The following ACOX1 variants were observed in gnomAD, a reference collection of about 807,000 sequenced individuals.
The protein encoded by ACOX1 is acyl-CoA oxidase 1.
A neutral mutation model predicts 75.5 loss-of-function variants in ACOX1; 41 were observed. That is an observed-to-expected ratio of 0.54 (90% CI 0.42 to 0.70). ACOX1 has a LOEUF of 0.70. Among genes scored for constraint, ACOX1 ranks in the 30% least tolerant of loss-of-function variants. The pLI, the probability that ACOX1 is intolerant of heterozygous loss-of-function variation, is 0.00. For missense variants in ACOX1, 630 were observed against 837.5 expected (o/e 0.75, Z 3.06); for synonymous variants, 303 against 298.8 (o/e 1.01, Z -0.15).
intron 2 of ACOX1, among the ~76,000 whole-genome samples, chr17:75,965,914 G>A (rs1372128853): frequency 6.6e-6 from 1 of 152,028 alleles, no homozygotes; most frequent in Non-Finnish European, 1.5e-5. Context: ...CAGATCACCT[G>A]AGGTCAAGAG....
At position 75,951,529 on chromosome 17, in the gene ACOX1, G is replaced by C. The variant is rs772169601; in HGVS notation, c.993C>G (p.Leu331=). Residue 331 remains leucine, a synonymous_variant, in exon 8 of 14, where the codon CTC becomes CTG. Transcript: ENST00000293217. ...CATAGGCAGTGGCCAGGAGTGGAAA[G>C]AGTTTATACTGCTGGGTTTGAAAAT... ...ILDFQTQQYK[L]FPLLATAYAF... 1.9e-6 allele frequency: 3 copies of C among 1,614,152 alleles called. No homozygotes were observed. Among genetic ancestry groups the C allele is most frequent in the South Asian group, 2.2e-5 (2 of 91,084 alleles).
chr17:75,951,351 C>T, intron 8 of ACOX1, 64 bp downstream of exon 8: 3 of 1,594,896 alleles, frequency 1.9e-6, no homozygotes, highest in Non-Finnish European at 1.7e-6. Flanking sequence ...TATCTCTGGA[C>T]CTCATCCAAC....
At chr17:75,967,738 GTA>G (rs935410943) in intron 2 of ACOX1, among the ~76,000 whole-genome samples, 2 of 121,890 alleles carry the variant, frequency 1.6e-5, no homozygotes, top group Non-Finnish European at 1.7e-5. Flanking sequence ...ATATATACAC[GTA>G]TATATATATA....
intron 2 of ACOX1, chr17:75,973,418 A>G: frequency 1.6e-6 from 1 of 613,316 alleles, no homozygotes; most frequent in Non-Finnish European, 2.9e-6. Flanking sequence ...AGGCTTTAGG[A>G]AATAACAGTG....
intron 3 of ACOX1, among the ~76,000 whole-genome samples, chr17:75,958,814 A>G (rs2065863445): frequency 6.6e-6 from 1 of 151,804 alleles, no homozygotes; most frequent in Non-Finnish European, 1.5e-5. Context: ...TCTCAAAAAA[A>G]AAAAAAAAAA....
chr17:75,955,457 C>T (rs1393169169), intron 6 of ACOX1, 109 bp downstream of exon 6: 2 of 916,606 alleles, frequency 2.2e-6, no homozygotes, highest in African/African-American at 3.3e-5. Context: ...GCCAGTGTGC[C>T]CTGCTGTTAT....
chr17:75,958,464 T>G (rs1392822071), intron 3 of ACOX1, among the ~76,000 whole-genome samples: 1 of 143,808 alleles, frequency 7.0e-6, no homozygotes. Context: ...GTCAGGAGAT[T>G]GAGACCATCC....
At position 75,946,601 on chromosome 17, in the gene ACOX1, G is replaced by A. The variant is rs2065722281; in HGVS notation, c.*147C>T. On this transcript the variant is annotated 3_prime_UTR_variant, in exon 14 of 14. Transcript: ENST00000293217. The stretch of plus-strand genomic sequence containing the variant: ...ATCTGCTTTTTTTCATTTAATCTCT[G>A]AAATCTGTTCATTTTTTCCCTCCAT... 2 of 724,278 alleles carry A rather than the reference G, an allele frequency of 2.8e-6. No individual in the cohort carries two copies. 44.9% of individuals were successfully genotyped at this position (724,278 alleles called of 1,614,324 possible).
Position 75,953,063 on chromosome 17 carries a change from AG to A in ACOX1, c.944+387del, listed in dbSNP as rs529231270. On this transcript the variant is annotated intron_variant, in intron 7 of 13. Coordinates refer to ENST00000293217, the MANE Select transcript of ACOX1 (RefSeq NM_004035.7). ...AATAAACTGTGGCTATGAATGCAAA[AG>A]GGAAACAAATTTAATGTCACTTTCA... 7.9e-5 allele frequency among the ~76,000 whole-genome samples: 12 copies of A among 152,262 alleles called. No homozygotes were observed. In the South Asian group the frequency reaches 2.5e-3, roughly 32 times the overall value.
At chr17:75,951,968 C>G (rs558775568) in intron 7 of ACOX1, among the ~76,000 whole-genome samples, 1 of 152,116 alleles carries the variant, frequency 6.6e-6, no homozygotes, top group African/African-American at 2.4e-5. Flanking sequence ...GCATGAGCCA[C>G]GGTGCCTAGG....
At chr17:75,973,448 A>G (rs1456789341) in intron 2 of ACOX1, 3 of 685,378 alleles carry the variant, frequency 4.4e-6, no homozygotes, top group Non-Finnish European at 7.8e-6. Flanking sequence ...TATAGGCCAG[A>G]GCCCTGGACC....
rs1187821285 is a variant in ACOX1, at chr17:75,953,489, T to G, written c.906A>C (p.Arg302=). 2 of 1,614,016 alleles carry G rather than the reference T, an allele frequency of 1.2e-6. No individual in the cohort carries two copies. Among genetic ancestry groups the G allele is most frequent in the Non-Finnish European group, 1.7e-6 (2 of 1,180,000 alleles). Residue 302 remains arginine, a synonymous_variant, in exon 7 of 14, where the codon CGA becomes CGC. Coordinates refer to ENST00000293217, the MANE Select transcript of ACOX1 (RefSeq NM_004035.7). ...ALSKACTIAI[R]YSAVRHQSEI... ...CAGACTGGTGCCTCACAGCGCTGTA[T>G]CGGATGGCAATGGTGCACGCCTTAG...
intron 2 of ACOX1, among the ~76,000 whole-genome samples, chr17:75,969,119 G>C (rs148668816): frequency 1.3e-5 from 2 of 152,128 alleles, no homozygotes; most frequent in African/African-American, 4.8e-5. Context: ...TTTCTGAGAG[G>C]TATTCCAGAA....
Position 75,947,686 on chromosome 17 carries a change from T to TTGTG in ACOX1, c.1935+561_1935+564dup, listed in dbSNP as rs139373608. 2.4e-4 allele frequency among the ~76,000 whole-genome samples: 36 copies of TTGTG among 149,544 alleles called. No homozygotes were observed. In the East Asian group the frequency reaches 5.3e-3, roughly 22 times the overall value. On this transcript the variant is annotated intron_variant, in intron 13 of 13. Transcript: ENST00000293217. The stretch of plus-strand genomic sequence containing the variant: ...TCTCTTTTTGTATATTTTATTCTAT[T>TTGTG]TGTGTGTGTGTGTGTGTGTGTATAC...
At chr17:75,968,922 CAAA>C (rs34391774) in intron 2 of ACOX1, among the ~76,000 whole-genome samples, 7 of 115,196 alleles carry the variant, frequency 6.1e-5, no homozygotes, top group Admixed American at 9.4e-5. Context: ...AACTCCGTCT[CAAA>C]AAAAAAAAAA....
At position 75,960,526 on chromosome 17, in the gene ACOX1, T is replaced by C; in HGVS notation, c.270-151A>G. The C allele has an allele frequency of 1.2e-6, 1 of 803,416 alleles. No individual in the cohort carries two copies. The highest frequency in any genetic ancestry group is 1.5e-5 in the South Asian group (1 of 68,126). The allele number at this position is 803,416 out of a possible 1,614,324, so 49.8% of individuals were successfully genotyped here. A position where few individuals can be genotyped will look rare whatever the true frequency, so the allele number is the denominator to read the frequency against. On this transcript the variant is annotated intron_variant, in intron 2 of 13. Transcript: ENST00000293217. This position sits in a 1 kb window ranked among gnomAD's most constrained non-coding sequence, Gnocchi z 4.4. ...AATCATAGATGGGAGCACTGTCCCT[T>C]TCTGTATTACTTTATAGCTCTTGTT...
chr17:75,960,574 G>A lies in ACOX1; in HGVS notation c.270-199C>T, dbSNP rs915800568. Among the ~76,000 whole-genome samples the A allele has an allele frequency of 1.3e-5, 2 of 152,162 alleles. No individual in the cohort carries two copies. Among genetic ancestry groups the A allele is most frequent in the Non-Finnish European group, 2.9e-5 (2 of 68,046 alleles). On this transcript the variant is annotated intron_variant, in intron 2 of 13. Coordinates refer to ENST00000293217, the MANE Select transcript of ACOX1 (RefSeq NM_004035.7). This position sits in a 1 kb window ranked among gnomAD's most constrained non-coding sequence, Gnocchi z 4.4. ...GTTAATTTCCATTTTTCCTGAGTCG[G>A]CAAGGAGTACGAGGACAGGGATTGG... is the stretch of plus-strand genomic sequence containing the variant.
intron 2 of ACOX1, among the ~76,000 whole-genome samples, chr17:75,961,951 T>C (rs1002659657): frequency 6.6e-6 from 1 of 152,064 alleles, no homozygotes; most frequent in Non-Finnish European, 1.5e-5. Context: ...AACATAGTAG[T>C]TCTCTCAGAG....
Position 75,950,809 on chromosome 17 carries a change from C to T in ACOX1, c.1263G>A (p.Glu421=). 6.2e-7 allele frequency: 1 copy of T among 1,614,104 alleles called. No homozygotes were observed. The highest frequency in any genetic ancestry group is 1.1e-5 in the South Asian group (1 of 91,074). The change falls in exon 9 of 14, where the codon GAG becomes GAA. Residue 421 remains glutamate, a synonymous_variant. Coordinates refer to ENST00000293217, the MANE Select transcript of ACOX1 (RefSeq NM_004035.7). This position sits in a 1 kb window ranked among gnomAD's most constrained non-coding sequence, Gnocchi z 4.3. ...GGAGCATCATGACAGTGTTTTCTCCCTCAAAGGTACAGCTTGGGGTGAAAT... is the reference window on the plus strand; with the variant it reads ...GGAGCATCATGACAGTGTTTTCTCCTTCAAAGGTACAGCTTGGGGTGAAAT... ...YVNFTPSCTF[E]GENTVMMLQT... is the part of the protein sequence containing the mutation.
Sources: allele counts gnomAD v4.1 joint callset (sites outside exome capture counted in the v4.1 genomes callset), GRCh38; gene constraint gnomAD v4.1.1; non-coding constraint Gnocchi (gnomAD v3.1); transcripts MANE v1.5; gene names NCBI Gene and HGNC (gene_info 2026-07-23, HGNC 2026-07-21).